CACNA1C: variants seen among roughly 807,000 people sequenced by gnomAD.
CACNA1C encodes calcium voltage-gated channel subunit alpha1 C.
A neutral mutation model predicts 229.0 loss-of-function variants in CACNA1C; 30 were observed. The observed-to-expected ratio is 0.13, with a 90% confidence interval of 0.10 to 0.18. The LOEUF is 0.18. Among genes scored for constraint, CACNA1C ranks in the 10% least tolerant of loss-of-function variants. The probability of loss-of-function intolerance (pLI) is 1.00; values close to 1 mark genes in which losing one functional copy is unlikely to be tolerated. For missense variants in CACNA1C, 1,658 were observed against 2,845.0 expected, an observed-to-expected ratio of 0.58 and a Z score of 9.49; for synonymous variants, 1,114 against 1,132.5, an observed-to-expected ratio of 0.98 and a Z score of 0.33.
chr12:2,161,375 G>A (rs945849574), intron 3 of CACNA1C, among the ~76,000 whole-genome samples: 9 of 152,178 alleles, frequency 5.9e-5, no homozygotes, highest in Non-Finnish European at 1.3e-4. Flanking sequence ...GACAGGGGCA[G>A]AGCAGGGGCA....
In CACNA1C at chr12:2,597,542, T is replaced by C. The variant is rs375804672; in HGVS notation, c.2853+253T>C. ...CATCCTCTGTCGCTTTCTTTGTCTA[T>C]CTCTGCTCTGTGTGGCTGGATCTTT... On this transcript the variant is annotated intron_variant, in intron 21 of 46. Coordinates refer to ENST00000399655, the MANE Select transcript of CACNA1C (RefSeq NM_000719.7). This position sits in a 1 kb window ranked among gnomAD's most constrained non-coding sequence, Gnocchi z 4.3. 3 of 1,158,268 alleles carry C rather than the reference T, an allele frequency of 2.6e-6. No individual in the cohort carries two copies. The highest frequency in any genetic ancestry group is 3.0e-5 in the African/African-American group (2 of 66,072). The allele number at this position is 1,158,268 out of a possible 1,614,324, so 71.7% of individuals were successfully genotyped here. A position where few individuals can be genotyped will look rare whatever the true frequency, so the allele number is the denominator to read the frequency against.
chr12:2,491,434 A>G (rs984018001), intron 6 of CACNA1C, among the ~76,000 whole-genome samples: 2 of 151,504 alleles, frequency 1.3e-5, no homozygotes, highest in African/African-American at 4.9e-5. Context: ...AGAGGAGAAG[A>G]AGGAGGAGGA....
At chr12:2,185,253 C>T (rs1006872672) in intron 3 of CACNA1C, among the ~76,000 whole-genome samples, 2 of 152,182 alleles carry the variant, frequency 1.3e-5, no homozygotes, top group Non-Finnish European at 2.9e-5. Context: ...AGTTGTTCTG[C>T]AGGAGAGAAG....
In CACNA1C at chr12:2,110,134, C is replaced by T. The variant is rs575256207; in HGVS notation, c.50-5090C>T. On this transcript the variant is annotated intron_variant, in intron 1 of 46. Transcript: ENST00000399655. ...ACTCACAGGGGACACCCAGGAGGCA[C>T]ATGCCACTGACTCCTAACTTGGACT... is the stretch of plus-strand genomic sequence containing the variant. Among the ~76,000 whole-genome samples, 3 of 152,350 alleles carry T rather than the reference C, an allele frequency of 2.0e-5. No individual in the cohort carries two copies. In the South Asian group the frequency reaches 6.2e-4, roughly 32 times the overall value.
intron 11 of CACNA1C, among the ~76,000 whole-genome samples, chr12:2,557,645 A>T (rs1454968292): frequency 1.3e-5 from 2 of 152,220 alleles, no homozygotes; most frequent in African/African-American, 4.8e-5. Context: ...AGACCCTCAG[A>T]TGTGACTGCT....
chr12:2,500,265 G>A (rs1206401729), intron 7 of CACNA1C, among the ~76,000 whole-genome samples: 1 of 152,198 alleles, frequency 6.6e-6, no homozygotes, highest in East Asian at 1.9e-4. Context: ...CTGGCTGTCT[G>A]TGGGGCCATG....
chr12:2,652,900 C>T (rs189642871), intron 32 of CACNA1C, among the ~76,000 whole-genome samples: 109 of 121,996 alleles, frequency 8.9e-4, no homozygotes, highest in Admixed American at 2.5e-3. Flanking sequence ...CCTGCCCCCC[C>T]GACATCTCCT....
intron 18 of CACNA1C, among the ~76,000 whole-genome samples, chr12:2,590,012 G>A (rs578101583): frequency 1.3e-5 from 2 of 152,266 alleles, no homozygotes; most frequent in South Asian, 2.1e-4. Flanking sequence ...GCACTGCTCC[G>A]GGTGTCTGGC....
At chr12:2,006,761 T>C (rs2043540288) in intron 1 of CACNA1C, among the ~76,000 whole-genome samples, 1 of 152,058 alleles carries the variant, frequency 6.6e-6, no homozygotes, top group Admixed American at 6.5e-5. Context: ...TTCAAACAAC[T>C]TTTTTTTGAC....
rs116375871 is a variant in CACNA1C, at chr12:2,174,306, C to A, written c.477+53876C>A. Reference sequence around the variant, plus strand: ...CAAGTCCCTATAGTCATAAAATGAGCAGCTCTTCAGCTGCTAGTACTTGAC... The same window carrying A: ...CAAGTCCCTATAGTCATAAAATGAGAAGCTCTTCAGCTGCTAGTACTTGAC... On this transcript the variant is annotated intron_variant, in intron 3 of 46. Transcript: ENST00000399655. Among the ~76,000 whole-genome samples the A allele has an allele frequency of 4.3e-3, 659 of 152,252 alleles. 5 individuals carry two copies. The highest frequency in any genetic ancestry group is 0.015 in the African/African-American group (605 of 41,548).
At chr12:2,294,856 T>C (rs7310491) in intron 3 of CACNA1C, among the ~76,000 whole-genome samples, 10,269 of 152,108 alleles carry the variant, frequency 0.068, 497 homozygotes, top group African/African-American at 0.13. Context: ...TGGGGCAGGG[T>C]GGTCTCCGTC....
chr12:1,971,265 T>G lies in CACNA1C; in HGVS notation c.139+64T>G, dbSNP rs1258575892. ...ATGTTGAAATTTACTCTAAATATCCTAATGATACCTAGAATGTGACTTCCT... is the reference window on the plus strand; with the variant it reads ...ATGTTGAAATTTACTCTAAATATCCGAATGATACCTAGAATGTGACTTCCT... On this transcript the variant is annotated intron_variant, in intron 1 of 46. Transcript: ENST00000682462. The surrounding 1 kb of genome is among the most constrained non-coding windows in gnomAD (Gnocchi z 4.2). 1.2e-6 allele frequency: 1 copy of G among 833,706 alleles called. No individual in the cohort carries two copies. Among genetic ancestry groups the G allele is most frequent in the Non-Finnish European group, 1.7e-6 (1 of 583,098 alleles). The allele number at this position is 833,706 out of a possible 1,614,324, so 51.6% of individuals were successfully genotyped here.
intron 14 of CACNA1C, among the ~76,000 whole-genome samples, chr12:2,582,016 T>A (rs2060656941): frequency 1.3e-5 from 2 of 151,296 alleles, no homozygotes; most frequent in African/African-American, 2.4e-5. Flanking sequence ...GGGGAAACAA[T>A]ATAAGTGGTT....
At chr12:2,284,495 G>A (rs531381506) in intron 3 of CACNA1C, among the ~76,000 whole-genome samples, 3 of 152,292 alleles carry the variant, frequency 2.0e-5, no homozygotes, top group African/African-American at 7.2e-5. Context: ...GCACAGAACA[G>A]CCCTCCAGGC....
intron 3 of CACNA1C, among the ~76,000 whole-genome samples, chr12:2,166,691 T>C (rs1001085303): frequency 1.9e-4 from 29 of 152,256 alleles, no homozygotes; most frequent in Non-Finnish European, 4.0e-4. Context: ...TGTTAAATGC[T>C]TGGCATTGTG....
chr12:2,150,659 C>T (rs542218833), intron 3 of CACNA1C, among the ~76,000 whole-genome samples: 57 of 152,248 alleles, frequency 3.7e-4, no homozygotes, highest in Non-Finnish European at 6.8e-4. Flanking sequence ...GCGAAAAACA[C>T]GTGTGGGTTG....
In CACNA1C at chr12:2,647,390, C is replaced by T. The variant is rs1285518406; in HGVS notation, c.3913-1085C>T. Among the ~76,000 whole-genome samples the T allele has an allele frequency of 2.6e-5, 4 of 152,198 alleles. No individual in the cohort carries two copies. The highest frequency in any genetic ancestry group is 9.7e-5 in the African/African-American group (4 of 41,450). The stretch of plus-strand genomic sequence containing the variant: ...TGGGATACTCACCAGAGGCCAGTTT[C>T]CTCAGCTCCTACCCCCAAATGAGTT... On this transcript the variant is annotated intron_variant, in intron 30 of 46. Coordinates refer to ENST00000399655, the MANE Select transcript of CACNA1C (RefSeq NM_000719.7). This position sits in a 1 kb window ranked among gnomAD's most constrained non-coding sequence, Gnocchi z 4.2.
rs748589125 is a variant in CACNA1C at position 2,272,966 on chromosome 12, C to T, written c.477+152536C>T. ...ACATATTACAGTTTAATTTTGTCCG[C>T]GTTAGAAGGTCCCAGTGATATCTTT... On this transcript the variant is annotated intron_variant, in intron 3 of 46. Transcript: ENST00000399655. Among the ~76,000 whole-genome samples, 16 of 152,312 alleles carry T rather than the reference C, an allele frequency of 1.1e-4. 1 individual carries two copies. In the South Asian group the frequency reaches 1.9e-3, roughly 18 times the overall value.
chr12:2,085,873 C>T (rs1244492008), intron 1 of CACNA1C, among the ~76,000 whole-genome samples: 1 of 152,194 alleles, frequency 6.6e-6, no homozygotes, highest in Non-Finnish European at 1.5e-5. Context: ...CAACCCTACA[C>T]TTCAGATGTA....
Sources: gnomAD v4.1 joint callset for allele counts (sites outside exome capture counted in the v4.1 genomes callset) on GRCh38, gnomAD v4.1.1 for gene constraint, Gnocchi (gnomAD v3.1) non-coding constraint, MANE v1.5 for transcripts, NCBI Gene and HGNC (gene_info 2026-07-23, HGNC 2026-07-21) for gene names.